The following PLCG2 variants were observed in gnomAD, a reference collection of about 807,000 sequenced individuals.
PLCG2 encodes the protein phospholipase C gamma 2.
Under a neutral mutation model 175.6 loss-of-function variants are expected in PLCG2, and 69 were observed. The observed-to-expected ratio is 0.39, with a 90% confidence interval of 0.32 to 0.48. The LOEUF (loss-of-function observed/expected upper bound fraction) is 0.48. PLCG2 is among the 20% of genes least tolerant of loss of function. The pLI is 0.91. For synonymous variants in PLCG2, 827 were observed against 624.0 expected, an observed-to-expected ratio of 1.33 and a Z score of -4.85; for missense variants, 1,798 against 1,650.9, an observed-to-expected ratio of 1.09 and a Z score of -1.54.
At chr16:81,841,429 C>T (rs992540578) in intron 2 of PLCG2, among the ~76,000 whole-genome samples, 3 of 151,962 alleles carry the variant, frequency 2.0e-5, no homozygotes, top group African/African-American at 4.8e-5. Context: ...TTAGTAGAGA[C>T]AGCATTTCAC....
Position 81,934,500 on chromosome 16 carries a change from C to G in PLCG2, c.2811C>G (p.Cys937Trp). 6.2e-7 allele frequency: 1 copy of G among 1,612,116 alleles called. No individual in the cohort carries two copies. Among genetic ancestry groups the G allele is most frequent in the East Asian group, 2.2e-5 (1 of 44,854 alleles). ...AIELSDLVVY[C>W]KPTSKTKDNL... ...AGCTCTCTGACCTGGTTGTCTACTG[C>G]AAACCAACCAGCAAAACCAAGGACA... Residue 937 changes from cysteine to tryptophan, a missense_variant, in exon 26 of 33, where the codon TGC (cysteine) becomes TGG (tryptophan). Transcript: ENST00000564138.
chr16:81,890,702 C>G (rs115163086), intron 10 of PLCG2, among the ~76,000 whole-genome samples: 123 of 152,294 alleles, frequency 8.1e-4, no homozygotes, highest in African/African-American at 2.8e-3. Context: ...TGAGGTCGTT[C>G]TCACGCAGCA....
At chr16:81,834,341 C>G (rs967394263) in intron 2 of PLCG2, among the ~76,000 whole-genome samples, 4 of 152,064 alleles carry the variant, frequency 2.6e-5, no homozygotes, top group African/African-American at 9.7e-5. Flanking sequence ...TGGCTGCTGG[C>G]AGAATTGTGA....
intron 2 of PLCG2, among the ~76,000 whole-genome samples, chr16:81,789,642 C>G (rs569979030): frequency 5.9e-5 from 9 of 152,290 alleles, no homozygotes; most frequent in African/African-American, 2.2e-4. Flanking sequence ...TCTTCTTTCT[C>G]CCTGGAGAGA....
chr16:81,870,728 G>T (rs184164538), intron 6 of PLCG2, 124 bp from the exon 7 acceptor site: 4 of 544,024 alleles, frequency 7.4e-6, no homozygotes, highest in East Asian at 6.2e-5. Flanking sequence ...GGTCATAGCT[G>T]TCTCTTCAGC....
Position 81,936,321 on chromosome 16 carries a change from C to A in PLCG2, c.2995C>A (p.Pro999Thr). Residue 999 changes from proline to threonine, a missense_variant, in exon 27 of 33, where the codon CCC (proline) becomes ACC (threonine). Pro to Thr is a conservative substitution (Grantham distance 38). Coordinates refer to ENST00000564138, the MANE Select transcript of PLCG2 (RefSeq NM_002661.5). ...GQRVDSSNYD[P>T]FRLWLCGSQM... Reference sequence around the variant, plus strand: ...AAGAGTTGACTCTTCAAACTACGACCCCTTCCGCCTCTGGCTGTGCGGTTC... The same window carrying A: ...AAGAGTTGACTCTTCAAACTACGACACCTTCCGCCTCTGGCTGTGCGGTTC... 6.2e-7 allele frequency: 1 copy of A among 1,614,192 alleles called. No individual in the cohort carries two copies. Among genetic ancestry groups the A allele is most frequent in the Non-Finnish European group, 8.5e-7 (1 of 1,180,032 alleles).
chr16:81,925,317 C>G (rs1910218088), intron 22 of PLCG2, among the ~76,000 whole-genome samples: 1 of 152,064 alleles, frequency 6.6e-6, no homozygotes, highest in Non-Finnish European at 1.5e-5. Flanking sequence ...AGCTAGGGGA[C>G]CAAACAATTA....
chr16:81,805,061 C>G (rs1597328293), intron 2 of PLCG2, among the ~76,000 whole-genome samples: 1 of 152,086 alleles, frequency 6.6e-6, no homozygotes, highest in African/African-American at 2.4e-5. Context: ...TTCAGAGGAA[C>G]AACATCAGAC....
At chr16:81,831,296 G>C (rs1905248464) in intron 2 of PLCG2, among the ~76,000 whole-genome samples, 1 of 152,208 alleles carries the variant, frequency 6.6e-6, no homozygotes. Context: ...TCCCAGAACA[G>C]TGCCTGGCAC....
intron 30 of PLCG2, among the ~76,000 whole-genome samples, chr16:81,943,499 G>A (rs1288208195): frequency 6.6e-6 from 1 of 152,162 alleles, no homozygotes; most frequent in Non-Finnish European, 1.5e-5. Flanking sequence ...CCCGGCCCCA[G>A]CTCCAACAGT....
At position 81,958,165 on chromosome 16, in the gene PLCG2, T is replaced by C. The variant is rs1911651233; in HGVS notation, c.*167T>C. The C allele has an allele frequency of 1.7e-6, 1 of 598,266 alleles. No homozygotes were observed. The highest frequency in any genetic ancestry group is 2.9e-5 in the Admixed American group (1 of 34,230). The allele number at this position is 598,266 out of a possible 1,614,324, so 37.1% of individuals were successfully genotyped here. A position where few individuals can be genotyped will look rare whatever the true frequency, so the allele number is the denominator to read the frequency against. ...ACCCAACTGGCATGAGTTGGGGTAATTTCCTATTATTTTCATCTTGGACAA... is the reference window on the plus strand; with the variant it reads ...ACCCAACTGGCATGAGTTGGGGTAACTTCCTATTATTTTCATCTTGGACAA... On this transcript the variant is annotated 3_prime_UTR_variant, in exon 33 of 33. Coordinates refer to ENST00000564138, the MANE Select transcript of PLCG2 (RefSeq NM_002661.5).
At chr16:81,934,345 G>A (rs932252419) in intron 25 of PLCG2, 84 bp from the exon 26 acceptor site, 54 of 791,814 alleles carry the variant, frequency 6.8e-5, no homozygotes, top group Non-Finnish European at 6.6e-6. Context: ...AAGCAAAGTG[G>A]GGATGGAGGA....
chr16:81,801,632 A>G (rs1911723534), intron 2 of PLCG2, among the ~76,000 whole-genome samples: 1 of 152,068 alleles, frequency 6.6e-6, no homozygotes. Context: ...TTATTTTTTA[A>G]AAACCTATCT....
At chr16:81,886,043 C>A (rs1908345285) in intron 9 of PLCG2, among the ~76,000 whole-genome samples, 1 of 152,146 alleles carries the variant, frequency 6.6e-6, no homozygotes, top group African/African-American at 2.4e-5. Flanking sequence ...GCACTTTTTT[C>A]CCTTCATTAT....
At chr16:81,808,108 T>C (rs1419891123) in intron 2 of PLCG2, among the ~76,000 whole-genome samples, 1 of 152,254 alleles carries the variant, frequency 6.6e-6, no homozygotes, top group Non-Finnish European at 1.5e-5. Context: ...AACATTCATA[T>C]GCAGGATTTT....
chr16:81,774,374 G>C, upstream of PLCG2, among the ~76,000 whole-genome samples: 1 of 151,608 alleles, frequency 6.6e-6, no homozygotes. Context: ...CCATTAAACC[G>C]GGGGCTCCAC....
At chr16:81,805,748 G>T (rs1794635555) in intron 2 of PLCG2, among the ~76,000 whole-genome samples, 2 of 140,626 alleles carry the variant, frequency 1.4e-5, no homozygotes, top group Non-Finnish European at 3.1e-5. Context: ...TACCAGCCAT[G>T]AGAGTAGTGT....
intron 2 of PLCG2, among the ~76,000 whole-genome samples, chr16:81,807,616 C>T (rs546826841): frequency 5.9e-5 from 9 of 152,162 alleles, no homozygotes; most frequent in African/African-American, 9.7e-5. Flanking sequence ...GTGTTCAATA[C>T]GCATTATTTC....
At chr16:81,800,729 C>G (rs1417754021) in intron 2 of PLCG2, among the ~76,000 whole-genome samples, 1 of 152,032 alleles carries the variant, frequency 6.6e-6, no homozygotes, top group Non-Finnish European at 1.5e-5. Flanking sequence ...AATAAACGCT[C>G]TCTGCTCCCA....
Sources: allele counts gnomAD v4.1 joint callset (sites outside exome capture counted in the v4.1 genomes callset), GRCh38; gene constraint gnomAD v4.1.1; transcripts MANE v1.5; gene names NCBI Gene and HGNC (gene_info 2026-07-23, HGNC 2026-07-21).